Variants in MTSS1 observed in about 807,000 individuals in gnomAD.
The protein encoded by MTSS1 is MTSS I-BAR domain containing 1, also known as protein MTSS 1.
MTSS1 carries 18 observed loss-of-function variants against 79.0 expected under a neutral mutation model. The ratio of observed to expected loss-of-function variants is 0.23; its 90% confidence interval spans 0.16 to 0.34. The LOEUF (loss-of-function observed/expected upper bound fraction) is 0.34, where lower values mean the gene tolerates loss of function less well. MTSS1 is among the 10% of genes least tolerant of loss of function. The pLI, the probability that MTSS1 is intolerant of heterozygous loss-of-function variation, is 1.00. For missense variants in MTSS1, 815 were observed against 986.2 expected, an observed-to-expected ratio of 0.83 and a Z score of 2.33; for synonymous variants, 341 against 368.6, an observed-to-expected ratio of 0.93 and a Z score of 0.86.
intron 1 of MTSS1, among the ~76,000 whole-genome samples, chr8:124,726,183 T>C (rs1035920114): frequency 6.6e-6 from 1 of 152,258 alleles, no homozygotes; most frequent in South Asian, 2.1e-4. Context: ...AGCCAGGGCA[T>C]AGTGCCACGC....
At position 124,603,212 on chromosome 8, in the gene MTSS1, G is replaced by A. The variant is rs544815022; in HGVS notation, c.209-11977C>T. On this transcript the variant is annotated intron_variant, in intron 3 of 13. Transcript: ENST00000518547. ...GGCTAATTTTTGTATTTTTAGTAGA[G>A]ATGAGGTTTCACCATGTTGGCTAGG... Among the ~76,000 whole-genome samples the A allele has an allele frequency of 3.0e-4, 45 of 152,282 alleles. No individual in the cohort carries two copies. In the South Asian group the frequency reaches 6.8e-3, roughly 23 times the overall value.
chr8:124,640,176 G>A (rs1207518469), intron 3 of MTSS1, among the ~76,000 whole-genome samples: 1 of 152,204 alleles, frequency 6.6e-6, no homozygotes, highest in African/African-American at 2.4e-5. Context: ...TACAAACCCA[G>A]CCTTCTTGAT....
Position 124,553,369 on chromosome 8 carries a change from G to C in MTSS1, c.1891C>G (p.Pro631Ala), listed in dbSNP as rs1241761004. ...PTVPDLPGVL[P>A]APPDGPEERG... ...TCTTCTGGCCCATCTGGAGGGGCTG[G>C]CAACACCCCTGGGAGGTCTGGGACG... Residue 631 changes from proline to alanine, a missense_variant, in exon 14 of 14, where the codon CCA becomes GCA. Physicochemically the swap from Pro to Ala is conservative, Grantham distance 27. Around this residue, in one of 2 missense-constraint regions of MTSS1, gnomAD observed 590 missense variants for 620.8 expected, o/e 0.95. Coordinates refer to ENST00000518547, the MANE Select transcript of MTSS1 (RefSeq NM_014751.6). The surrounding 1 kb of genome is among the most constrained non-coding windows in gnomAD (Gnocchi z 6.0). The C allele has an allele frequency of 1.1e-5, 17 of 1,611,658 alleles. No individual in the cohort carries two copies. The highest frequency in any genetic ancestry group is 1.4e-5 in the Non-Finnish European group (17 of 1,178,176).
Position 124,699,419 on chromosome 8 carries a change from A to G in MTSS1, c.208+107T>C, listed in dbSNP as rs779248061. The G allele has an allele frequency of 3.3e-5, 31 of 941,488 alleles. 3 individuals are homozygous for G. In the South Asian group the frequency reaches 4.6e-4, roughly 14 times the overall value. The allele number at this position is 941,488 out of a possible 1,614,324, so 58.3% of individuals were successfully genotyped here. ...TTTAAAAAATGGGAAAATACGAGTC[A>G]GCTCAGCTCTGATAACTTAAGCTGC... On this transcript the variant is annotated intron_variant, in intron 3 of 13. Transcript: ENST00000518547.
intron 3 of MTSS1, among the ~76,000 whole-genome samples, chr8:124,691,673 A>G (rs2135242801): frequency 6.6e-6 from 1 of 151,894 alleles, no homozygotes; most frequent in Admixed American, 6.5e-5. Flanking sequence ...CCGCCACCAC[A>G]CCCAGCTAAT....
intron 3 of MTSS1, among the ~76,000 whole-genome samples, chr8:124,643,235 A>C (rs1419190441): frequency 6.6e-6 from 1 of 152,154 alleles, no homozygotes; most frequent in Non-Finnish European, 1.5e-5. Context: ...TAGGGAAATA[A>C]GATATGCAAA....
At chr8:124,675,450 C>A (rs980966716) in intron 3 of MTSS1, among the ~76,000 whole-genome samples, 1 of 152,162 alleles carries the variant, frequency 6.6e-6, no homozygotes, top group Non-Finnish European at 1.5e-5. Flanking sequence ...TAGGGTGTAC[C>A]ATATATAGTG....
intron 3 of MTSS1, among the ~76,000 whole-genome samples, chr8:124,680,978 C>G: frequency 6.6e-6 from 1 of 152,214 alleles, no homozygotes; most frequent in South Asian, 2.1e-4. Flanking sequence ...AGCTCCTTAA[C>G]CACCTTTAAG....
At chr8:124,572,945 C>T (rs1323982276) in intron 6 of MTSS1, among the ~76,000 whole-genome samples, 2 of 152,156 alleles carry the variant, frequency 1.3e-5, no homozygotes, top group East Asian at 3.9e-4. Flanking sequence ...CAGGATTTCA[C>T]CATGTTGGCC....
At chr8:124,685,850 A>T (rs1826874140) in intron 3 of MTSS1, among the ~76,000 whole-genome samples, 1 of 152,216 alleles carries the variant, frequency 6.6e-6, no homozygotes, top group Non-Finnish European at 1.5e-5. Context: ...ACTGGATCCC[A>T]AACAGCGGCA....
At chr8:124,564,371 C>T (rs1035087286) in intron 9 of MTSS1, among the ~76,000 whole-genome samples, 5 of 152,054 alleles carry the variant, frequency 3.3e-5, no homozygotes, top group Non-Finnish European at 5.9e-5. Flanking sequence ...ACTCAAGGGC[C>T]GCGTGACTGT....
At chr8:124,633,047 A>G (rs566848536) in intron 3 of MTSS1, among the ~76,000 whole-genome samples, 2 of 152,278 alleles carry the variant, frequency 1.3e-5, no homozygotes, top group Admixed American at 1.3e-4. Flanking sequence ...ATGGTAGCTC[A>G]CATCTACAAT....
chr8:124,650,888 C>T (rs1819844865), intron 3 of MTSS1, among the ~76,000 whole-genome samples: 1 of 152,228 alleles, frequency 6.6e-6, no homozygotes, highest in Non-Finnish European at 1.5e-5. Flanking sequence ...TCAACTCCTC[C>T]ACCTAGTAGC....
In MTSS1 at chr8:124,665,595, C is replaced by A. The variant is rs10105673; in HGVS notation, c.208+33931G>T. On this transcript the variant is annotated intron_variant, in intron 3 of 13. Coordinates refer to ENST00000518547, the MANE Select transcript of MTSS1 (RefSeq NM_014751.6). ...AAAATCTGGCCCCCAAGGCCGGGCACAGTGGCTCATGCCTGTAATCCCAGC... is the reference window on the plus strand; with the variant it reads ...AAAATCTGGCCCCCAAGGCCGGGCAAAGTGGCTCATGCCTGTAATCCCAGC... Among the ~76,000 whole-genome samples the A allele has an allele frequency of 8.8e-3, 1,333 of 152,048 alleles. 21 individuals are homozygous for A. The highest frequency in any genetic ancestry group is 0.03 in the African/African-American group (1,235 of 41,476).
At chr8:124,651,772 C>T (rs1360118447) in intron 3 of MTSS1, among the ~76,000 whole-genome samples, 2 of 152,128 alleles carry the variant, frequency 1.3e-5, no homozygotes, top group African/African-American at 4.8e-5. Context: ...GCCTGGGTTA[C>T]CCTGATCCCC....
rs1157951009 is a variant in MTSS1 at position 124,551,367 on chromosome 8, G to A, written c.*1625C>T. ...AATAGTTTCTAATAATCATGCCTTT[G>A]CTTTAAAGCCGTAACATAAAATGTC... On this transcript the variant is annotated 3_prime_UTR_variant, in exon 14 of 14. Transcript: ENST00000518547. 6.6e-6 allele frequency: 1 copy of A among 152,612 alleles called. No homozygotes were observed. The highest frequency in any genetic ancestry group is 1.9e-4 in the East Asian group (1 of 5,204). The allele number at this position is 152,612 out of a possible 1,614,324, so 9.5% of individuals were successfully genotyped here. A position where few individuals can be genotyped will look rare whatever the true frequency, so the allele number is the denominator to read the frequency against.
At chr8:124,564,207 T>A (rs1382549732) in intron 9 of MTSS1, among the ~76,000 whole-genome samples, 3 of 149,372 alleles carry the variant, frequency 2.0e-5, no homozygotes, top group African/African-American at 7.5e-5. Context: ...CAGACTCCCA[T>A]GGTCCAAACA....
chr8:124,686,192 A>G (rs1826946227), intron 3 of MTSS1, among the ~76,000 whole-genome samples: 1 of 152,358 alleles, frequency 6.6e-6, no homozygotes, highest in Admixed American at 6.5e-5. Context: ...GTGAGCAGGC[A>G]GAGGGGGCCT....
At chr8:124,652,811 A>AC (rs1563936568) in intron 3 of MTSS1, among the ~76,000 whole-genome samples, 1 of 151,888 alleles carries the variant, frequency 6.6e-6, no homozygotes, top group African/African-American at 2.4e-5. Context: ...AAAAAAAAAA[A>AC]AACACAGCCA....
Sources: gnomAD v4.1 joint callset for allele counts (sites outside exome capture counted in the v4.1 genomes callset) on GRCh38, gnomAD v4.1.1 for gene constraint, gnomAD v4.1.1 regional missense constraint, Gnocchi (gnomAD v3.1) non-coding constraint, MANE v1.5 for transcripts, NCBI Gene and HGNC (gene_info 2026-07-23, HGNC 2026-07-21) for gene names.